Variants in EPB41L4B observed in about 807,000 individuals in gnomAD.
EPB41L4B encodes erythrocyte membrane protein band 4.1 like 4B.
In EPB41L4B, 30 loss-of-function variants were observed where a neutral mutation model predicts 112.5. The ratio of observed to expected loss-of-function variants is 0.27; its 90% confidence interval spans 0.20 to 0.36. The LOEUF (loss-of-function observed/expected upper bound fraction) is 0.36. EPB41L4B is among the 10% of genes least tolerant of loss of function. The probability of loss-of-function intolerance (pLI) is 1.00; values close to 1 mark genes in which losing one functional copy is unlikely to be tolerated. For missense variants in EPB41L4B, 1,024 were observed against 1,133.3 expected (o/e 0.90, Z 1.38); for synonymous variants, 408 against 439.7 (o/e 0.93, Z 0.90).
At chr9:109,241,868 A>G (rs1834364907) in intron 15 of EPB41L4B, 1 of 1,575,336 alleles carries the variant, frequency 6.3e-7, no homozygotes, top group Admixed American at 1.7e-5. Context: ...CAGAAATGTA[A>G]GTGAAACAAC....
At chr9:109,276,080 A>G (rs1398899569) in intron 2 of EPB41L4B, among the ~76,000 whole-genome samples, 1 of 148,190 alleles carries the variant, frequency 6.7e-6, no homozygotes, top group Non-Finnish European at 1.5e-5. Flanking sequence ...ATGTGTATAT[A>G]TACATATATA....
chr9:109,294,801 G>A (rs1265892394), intron 1 of EPB41L4B, among the ~76,000 whole-genome samples: 1 of 152,042 alleles, frequency 6.6e-6, no homozygotes, highest in African/African-American at 2.4e-5. Flanking sequence ...ATAAGTGGGT[G>A]TTGTGTACAT....
intron 17 of EPB41L4B, among the ~76,000 whole-genome samples, chr9:109,213,201 T>C (rs973103287): frequency 1.6e-4 from 24 of 152,240 alleles, no homozygotes; most frequent in African/African-American, 5.5e-4. Flanking sequence ...TGTATCGTTC[T>C]AAGATAAAAT....
intron 15 of EPB41L4B, among the ~76,000 whole-genome samples, chr9:109,235,169 C>T (rs1413597295): frequency 1.3e-5 from 2 of 152,116 alleles, no homozygotes; most frequent in Admixed American, 6.5e-5. Flanking sequence ...CTAGTATTCT[C>T]GGACAGAAAT....
At chr9:109,198,773 G>A (rs893864296) in intron 20 of EPB41L4B, among the ~76,000 whole-genome samples, 2 of 152,016 alleles carry the variant, frequency 1.3e-5, no homozygotes, top group Admixed American at 6.6e-5. Context: ...AGCTGGGTGT[G>A]GTGGCGGGCA....
intron 15 of EPB41L4B, chr9:109,241,929 G>T (rs1834367833): frequency 1.1e-6 from 1 of 945,676 alleles, no homozygotes; most frequent in East Asian, 2.4e-5. Flanking sequence ...TGTGAATGGG[G>T]ATGGCTATGA....
intron 15 of EPB41L4B, among the ~76,000 whole-genome samples, chr9:109,219,880 T>A (rs534942933): frequency 6.6e-6 from 1 of 152,168 alleles, no homozygotes; most frequent in African/African-American, 2.4e-5. Context: ...GCTGTAAGGA[T>A]GATGGAAGTT....
chr9:109,208,010 G>A lies in EPB41L4B; in HGVS notation c.1792C>T (p.Pro598Ser), dbSNP rs764535104. 1.9e-6 allele frequency: 3 copies of A among 1,614,110 alleles called. No homozygotes were observed. Among genetic ancestry groups the A allele is most frequent in the Middle Eastern group, 3.3e-4 (2 of 6,062 alleles). ...KKVSEKTLQT[P>S]LLPSPVADHV... The stretch of plus-strand genomic sequence containing the variant: ...TCCGCAACAGGGGAAGGCAAAAGTG[G>A]AGTCTGAAGAGTTTTCTCCGAGACT... The change falls in exon 18 of 26, where the codon CCA becomes TCA. Residue 598 changes from proline to serine, a missense_variant. By Grantham distance (74) the Pro-to-Ser change is moderately conservative. Transcript: ENST00000374566.
intron 1 of EPB41L4B, among the ~76,000 whole-genome samples, chr9:109,299,571 A>G (rs1407390043): frequency 6.6e-6 from 1 of 152,096 alleles, no homozygotes; most frequent in Non-Finnish European, 1.5e-5. Flanking sequence ...TATAGGCATG[A>G]GCCATGATGT....
intron 7 of EPB41L4B, among the ~76,000 whole-genome samples, chr9:109,257,877 C>T (rs1835043174): frequency 6.6e-6 from 1 of 152,164 alleles, no homozygotes. Context: ...CGCCTATAAT[C>T]CCAGCTGCTC....
chr9:109,205,764 A>C (rs1226019553), intron 18 of EPB41L4B, among the ~76,000 whole-genome samples: 3 of 152,210 alleles, frequency 2.0e-5, no homozygotes, highest in Admixed American at 1.3e-4. Flanking sequence ...TGCATAGATA[A>C]TCTCATGTAA....
Position 109,247,740 on chromosome 9 carries a change from A to T in EPB41L4B, c.1344+16T>A. ...TTTTCCTTCTTTAAAGAAAACCTTT[A>T]AAAGCAGTATCTTACCTGGTAATTA... is the stretch of plus-strand genomic sequence containing the variant. On this transcript the variant is annotated intron_variant, in intron 14 of 25. Coordinates refer to ENST00000374566, the MANE Select transcript of EPB41L4B (RefSeq NM_019114.5). 3 of 1,424,624 alleles carry T rather than the reference A, an allele frequency of 2.1e-6. No homozygotes were observed. Among genetic ancestry groups the T allele is most frequent in the Non-Finnish European group, 2.8e-6 (3 of 1,081,292 alleles). The allele number at this position is 1,424,624 out of a possible 1,614,324, so 88.2% of individuals were successfully genotyped here. A position where few individuals can be genotyped will look rare whatever the true frequency, so the allele number is the denominator to read the frequency against.
intron 15 of EPB41L4B, among the ~76,000 whole-genome samples, chr9:109,238,755 T>G (rs1316154744): frequency 6.6e-6 from 1 of 152,156 alleles, no homozygotes; most frequent in East Asian, 1.9e-4. Flanking sequence ...AGAAGATGTC[T>G]GGGCAGAGGC....
At position 109,305,850 on chromosome 9, in the gene EPB41L4B, G is replaced by A. The variant is rs10979818; in HGVS notation, c.306+14291C>T. Among the ~76,000 whole-genome samples, 1,099 of 152,270 alleles carry A rather than the reference G, an allele frequency of 7.2e-3. 26 individuals carry two copies. In the East Asian group the frequency reaches 0.094, roughly 13 times the overall value. On this transcript the variant is annotated intron_variant, in intron 1 of 25. Transcript: ENST00000374566. Reference sequence around the variant, plus strand: ...GAGGCAGCAGAATCGCTTGAATGCGGGAGGTAGAGCTTGCAGTGAGTCGAG... The same window carrying A: ...GAGGCAGCAGAATCGCTTGAATGCGAGAGGTAGAGCTTGCAGTGAGTCGAG...
intron 20 of EPB41L4B, among the ~76,000 whole-genome samples, chr9:109,199,725 T>C (rs1048547261): frequency 3.3e-5 from 5 of 152,172 alleles, no homozygotes; most frequent in African/African-American, 1.2e-4. Flanking sequence ...AGACTGTGCC[T>C]TTGCCTTGCT....
intron 20 of EPB41L4B, among the ~76,000 whole-genome samples, chr9:109,198,439 T>C (rs1479249121): frequency 6.6e-6 from 1 of 152,116 alleles, no homozygotes; most frequent in African/African-American, 2.4e-5. Context: ...GAAGAGAGGA[T>C]CAAACAGTCA....
chr9:109,177,831 A>AG (rs1218855065), intron 24 of EPB41L4B, among the ~76,000 whole-genome samples: 1 of 151,866 alleles, frequency 6.6e-6, no homozygotes, highest in African/African-American at 2.4e-5. Flanking sequence ...AAAAAAAAAA[A>AG]AAAGTAGATC....
Position 109,302,641 on chromosome 9 carries a change from G to A in EPB41L4B, c.306+17500C>T, listed in dbSNP as rs531506082. Among the ~76,000 whole-genome samples the A allele has an allele frequency of 3.3e-5, 5 of 152,042 alleles. No individual in the cohort carries two copies. The East Asian group carries it at 9.7e-4, about 30-fold the overall frequency. ...AGGATACTGAGGTATCCTGACCTAG[G>A]GGACTATATGAGGACTAAGAACACA... On this transcript the variant is annotated intron_variant, in intron 1 of 25. Transcript: ENST00000374566.
chr9:109,306,994 G>C (rs1040283006), intron 1 of EPB41L4B, among the ~76,000 whole-genome samples: 1 of 147,004 alleles, frequency 6.8e-6, no homozygotes, highest in African/African-American at 2.5e-5. Flanking sequence ...GGGCCTTACA[G>C]ACACTAGATG....
Sources: gnomAD v4.1 joint callset for allele counts (sites outside exome capture counted in the v4.1 genomes callset) on GRCh38, gnomAD v4.1.1 for gene constraint, MANE v1.5 for transcripts, NCBI Gene and HGNC (gene_info 2026-07-23, HGNC 2026-07-21) for gene names.